The following SAMMSON variants were observed in gnomAD, a reference collection of about 807,000 sequenced individuals.
SAMMSON encodes survival associated mitochondrial melanoma specific oncogenic non-coding RNA, also known as long intergenic non-protein coding RNA 1212.
chr3:70,221,042 T>G (rs1701457017), intron 4 of SAMMSON, among the ~76,000 whole-genome samples: 1 of 152,170 alleles, frequency 6.6e-6, no homozygotes, highest in Non-Finnish European at 1.5e-5. Flanking sequence ...CATATTATAT[T>G]GCATCTAAAC....
At chr3:70,292,000 A>T (rs933149592) in intron 7 of SAMMSON, 3 of 152,230 alleles carry the variant, frequency 2.0e-5, no homozygotes, top group Non-Finnish European at 2.9e-5. Context: ...CATATACAAG[A>T]CACGATGGTT....
intron 4 of SAMMSON, among the ~76,000 whole-genome samples, chr3:70,075,881 T>TG (rs1055561332): frequency 7.0e-5 from 3 of 42,742 alleles, no homozygotes; most frequent in African/African-American, 1.9e-4. Flanking sequence ...TTTCGATACC[T>TG]GTTTTTTTTT....
intron 7 of SAMMSON, among the ~76,000 whole-genome samples, chr3:70,299,819 C>G (rs144929265): frequency 6.6e-6 from 1 of 152,072 alleles, no homozygotes; most frequent in Non-Finnish European, 1.5e-5. Context: ...GCCAACCTCA[C>G]ATATATTTTA....
At chr3:70,167,709 C>G (rs1273143965) in intron 4 of SAMMSON, among the ~76,000 whole-genome samples, 1 of 151,878 alleles carries the variant, frequency 6.6e-6, no homozygotes, top group Admixed American at 6.6e-5. Flanking sequence ...GGGGAACAAA[C>G]AGGCATCACA....
intron 7 of SAMMSON, among the ~76,000 whole-genome samples, chr3:70,341,935 C>T (rs1157470448): frequency 6.6e-6 from 1 of 151,914 alleles, no homozygotes; most frequent in Non-Finnish European, 1.5e-5. Context: ...GATAGATATC[C>T]CTGGGAATCA....
chr3:70,289,350 T>C (rs1201440702), intron 6 of SAMMSON, among the ~76,000 whole-genome samples: 18 of 151,470 alleles, frequency 1.2e-4, no homozygotes, highest in Admixed American at 1.1e-3. Flanking sequence ...AAATTCTGGG[T>C]TGAAAATTCT....
At chr3:70,408,932 T>C (rs189994927) in intron 2 of SAMMSON, among the ~76,000 whole-genome samples, 135 of 152,232 alleles carry the variant, frequency 8.9e-4, no homozygotes, top group African/African-American at 3.2e-3. Flanking sequence ...CTCAGAATCA[T>C]AGCAGGAGGC....
intron 4 of SAMMSON, among the ~76,000 whole-genome samples, chr3:70,174,705 G>T (rs779800944): frequency 6.6e-6 from 1 of 151,786 alleles, no homozygotes; most frequent in Admixed American, 6.6e-5. Context: ...TTCTAGAAAA[G>T]GTTGACTTTC....
chr3:70,244,946 A>G (rs1701692810), intron 4 of SAMMSON, among the ~76,000 whole-genome samples: 1 of 152,294 alleles, frequency 6.6e-6, no homozygotes, highest in South Asian at 2.1e-4. Flanking sequence ...TATTCCCCCA[A>G]ATTATATATA....
At chr3:70,079,517 A>G (rs1337615772) in intron 4 of SAMMSON, among the ~76,000 whole-genome samples, 1 of 152,184 alleles carries the variant, frequency 6.6e-6, no homozygotes, top group Non-Finnish European at 1.5e-5. Flanking sequence ...AAGTACCCAT[A>G]CAACTGTTCT....
chr3:70,104,342 A>G (rs2067358602), intron 4 of SAMMSON, among the ~76,000 whole-genome samples: 1 of 151,852 alleles, frequency 6.6e-6, no homozygotes, highest in South Asian at 2.1e-4. Context: ...TATCTGTAAC[A>G]TGGAGCTACC....
Position 70,326,809 on chromosome 3 carries a change from C to T in SAMMSON, n.740-27366C>T, listed in dbSNP as rs1363427753. Among the ~76,000 whole-genome samples, 4 of 152,066 alleles carry T rather than the reference C, an allele frequency of 2.6e-5. No individual in the cohort carries two copies. In the South Asian group the frequency reaches 6.2e-4, roughly 24 times the overall value. ...AGACAGTCATGGATAAGGTTTTATG[C>T]CTTTCAGGCATCATTGTACATATTT... On this transcript the variant is annotated intron_variant and non_coding_transcript_variant, in intron 7 of 9. Transcript: ENST00000642114.
At chr3:70,375,110 C>T (rs1575636333) in intron 9 of SAMMSON, among the ~76,000 whole-genome samples, 1 of 152,118 alleles carries the variant, frequency 6.6e-6, no homozygotes, top group Admixed American at 6.5e-5. Context: ...AAAAGTACAT[C>T]TATGCCATAT....
chr3:70,407,812 C>G (rs1229585718), intron 2 of SAMMSON, among the ~76,000 whole-genome samples: 2 of 152,236 alleles, frequency 1.3e-5, no homozygotes, highest in African/African-American at 4.8e-5. Flanking sequence ...AGGTGGTGCC[C>G]CAGCAGGGGG....
chr3:70,429,052 A>G (rs535544374), intron 2 of SAMMSON, among the ~76,000 whole-genome samples: 1 of 152,234 alleles, frequency 6.6e-6, no homozygotes, highest in East Asian at 1.9e-4. Flanking sequence ...TATGGCCTGA[A>G]TGGTATTGCC....
chr3:70,322,881 TAC>T (rs1404576524), intron 7 of SAMMSON, among the ~76,000 whole-genome samples: 1 of 152,144 alleles, frequency 6.6e-6, no homozygotes, highest in Non-Finnish European at 1.5e-5. Flanking sequence ...ACACAGGACC[TAC>T]ACAGGTAATG....
intron 4 of SAMMSON, among the ~76,000 whole-genome samples, chr3:70,123,451 G>A (rs116118201): frequency 0.072 from 11,023 of 152,134 alleles, 535 homozygotes; most frequent in Non-Finnish European, 0.11. Flanking sequence ...TTGTATTTTT[G>A]TAAAGACAAG....
In SAMMSON at chr3:70,251,504, A is replaced by C. The variant is rs1701767733; in HGVS notation, n.674+1834A>C. 3.3e-5 allele frequency among the ~76,000 whole-genome samples: 5 copies of C among 152,184 alleles called. No homozygotes were observed. In the South Asian group the frequency reaches 1.0e-3, roughly 31 times the overall value. ...TCTACACTTTTTCATTCCCTTAAAT[A>C]GTATTTTATAGGCATAGCCTTGCTC... On this transcript the variant is annotated intron_variant and non_coding_transcript_variant, in intron 6 of 9. Coordinates refer to ENST00000642114, the Ensembl canonical transcript of SAMMSON.
At chr3:70,272,601 T>A (rs1275378822) in intron 6 of SAMMSON, among the ~76,000 whole-genome samples, 1 of 152,246 alleles carries the variant, frequency 6.6e-6, no homozygotes, top group East Asian at 1.9e-4. Flanking sequence ...ATGTTTTTAT[T>A]TCTCTTGGGT....
Sources: gnomAD v4.1 joint callset for allele counts (sites outside exome capture counted in the v4.1 genomes callset) on GRCh38, gnomAD v4.1.1 for gene constraint, MANE v1.5 for transcripts, NCBI Gene and HGNC (gene_info 2026-07-23, HGNC 2026-07-21) for gene names.